The following FSTL3 variants were observed in gnomAD, a reference collection of about 807,000 sequenced individuals.
FSTL3 encodes follistatin like 3, also known as follistatin-related protein 3.
Under a neutral mutation model 28.1 loss-of-function variants are expected in FSTL3, and 21 were observed. The ratio of observed to expected loss-of-function variants is 0.75; its 90% confidence interval spans 0.53 to 1.08. FSTL3 has a LOEUF of 1.08. Among genes scored for constraint, FSTL3 ranks in the 50% least tolerant of loss-of-function variants. The probability of loss-of-function intolerance (pLI) is 0.00; values close to 1 mark genes in which losing one functional copy is unlikely to be tolerated. For synonymous variants in FSTL3, 199 were observed against 164.2 expected, an observed-to-expected ratio of 1.21 and a Z score of -1.62; for missense variants, 400 against 380.9, an observed-to-expected ratio of 1.05 and a Z score of -0.42.
intron 2 of FSTL3, chr19:680,001 A>ATCC (rs1555683190): frequency 2.0e-5 from 3 of 152,612 alleles, no homozygotes; most frequent in Non-Finnish European, 3.6e-5. Flanking sequence ...CCGGGCAGAG[A>ATCC]CCCCCCCCCG....
At position 681,484 on chromosome 19, in the gene FSTL3, C is replaced by T. The variant is rs750095878; in HGVS notation, c.657C>T (p.Ile219=). 4.4e-6 allele frequency: 7 copies of T among 1,603,242 alleles called. No individual in the cohort carries two copies. The highest frequency in any genetic ancestry group is 5.1e-6 in the Non-Finnish European group (6 of 1,179,714). The part of the protein sequence containing the change: ...ELCGNNNVTY[I]SSCHMRQATC... ...GCGGCAACAACAACGTCACCTACAT[C>T]TCCTCGTGCCACATGCGCCAGGCCA... Residue 219 remains isoleucine, a synonymous_variant, in exon 4 of 5, where the codon ATC becomes ATT. Coordinates refer to ENST00000166139, the MANE Select transcript of FSTL3 (RefSeq NM_005860.3).
At chr19:676,644 G>C (rs1020304459) in intron 1 of FSTL3, 118 bp downstream of exon 1, 1 of 306,404 alleles carries the variant, frequency 3.3e-6, no homozygotes, top group Non-Finnish European at 5.8e-6. Context: ...GGCGGTGTCC[G>C]GCGCAAGCTG....
At chr19:678,351 G>A (rs1393543840) in intron 2 of FSTL3, among the ~76,000 whole-genome samples, 1 of 152,228 alleles carries the variant, frequency 6.6e-6, no homozygotes, top group Non-Finnish European at 1.5e-5. Flanking sequence ...AGACTCCAGG[G>A]TCTGCGGTGG....
intron 3 of FSTL3, among the ~76,000 whole-genome samples, chr19:681,110 A>G (rs2144800968): frequency 6.9e-6 from 1 of 145,038 alleles, no homozygotes; most frequent in South Asian, 2.3e-4. Context: ...GCAGGAGCTC[A>G]CGAAAGAGGT....
At chr19:678,178 G>A (rs2031250991) in intron 2 of FSTL3, 3 of 578,974 alleles carry the variant, frequency 5.2e-6, no homozygotes, top group Admixed American at 6.5e-5. Context: ...TCAGGACTCA[G>A]GAAGAGACCA....
In FSTL3 at chr19:681,424, C is replaced by T. The variant is rs144365258; in HGVS notation, c.597C>T (p.Pro199=). Residue 199 remains proline, a synonymous_variant, in exon 4 of 5, where the codon CCC becomes CCT. Transcript: ENST00000166139. ...SAHCVVCRAA[P]CPVPSSPGQE... The stretch of plus-strand genomic sequence containing the variant: ...ACTGCGTGGTGTGTCGAGCGGCGCC[C>T]TGCCCTGTGCCCTCCAGCCCCGGCC... 9.4e-5 allele frequency: 150 copies of T among 1,597,674 alleles called. 1 individual carries two copies. The East Asian group carries it at 3.1e-3, about 33-fold the overall frequency.
chr19:681,206 G>A, intron 3 of FSTL3, 127 bp from the exon 4 acceptor site: 1 of 622,114 alleles, frequency 1.6e-6, no homozygotes, highest in Non-Finnish European at 2.8e-6. Flanking sequence ...GGGGGGCGGG[G>A]GGGTGCTTGT....
At chr19:678,710 CA>C (rs1185858246) in intron 2 of FSTL3, among the ~76,000 whole-genome samples, 3 of 152,126 alleles carry the variant, frequency 2.0e-5, no homozygotes, top group African/African-American at 7.2e-5. Flanking sequence ...AGGGTTTCAC[CA>C]CATTGGCCAG....
At chr19:678,136 T>C in intron 2 of FSTL3, 159 bp downstream of exon 2, 2 of 663,218 alleles carry the variant, frequency 3.0e-6, no homozygotes, top group Middle Eastern at 3.3e-4. Flanking sequence ...CTGGGGGGAC[T>C]TCCCGGTTCC....
Position 683,065 on chromosome 19 carries a change from C to G in FSTL3, c.*1357C>G, listed in dbSNP as rs1458804721. On this transcript the variant is annotated 3_prime_UTR_variant, in exon 5 of 5. Coordinates refer to ENST00000166139, the MANE Select transcript of FSTL3 (RefSeq NM_005860.3). ...CTGGCGACACCAGCCAGGTGCTGGT[C>G]TTGGGCCAGTTCTCCCACGACGGCT... 2 of 233,222 alleles carry G rather than the reference C, an allele frequency of 8.6e-6. No individual in the cohort carries two copies. The highest frequency in any genetic ancestry group is 1.2e-4 in the East Asian group (2 of 16,550). 14.4% of individuals were successfully genotyped at this position (233,222 alleles called of 1,614,324 possible). A position where few individuals can be genotyped will look rare whatever the true frequency, so the allele number is the denominator to read the frequency against.
intron 1 of FSTL3, among the ~76,000 whole-genome samples, chr19:677,131 G>A (rs2031229404): frequency 6.6e-6 from 1 of 152,284 alleles, no homozygotes; most frequent in South Asian, 2.1e-4. Flanking sequence ...CAAGCGCTCT[G>A]GGATGGGGGC....
At position 680,454 on chromosome 19, in the gene FSTL3, C is replaced by A; in HGVS notation, c.470C>A (p.Pro157Gln). 7.9e-7 allele frequency: 1 copy of A among 1,259,338 alleles called. No homozygotes were observed. The highest frequency in any genetic ancestry group is 1.0e-6 in the Non-Finnish European group (1 of 1,003,792). 78.0% of individuals were successfully genotyped at this position (1,259,338 alleles called of 1,614,324 possible). ...CGCGCCGCGCGCTGCCGCGGCCACC[C>A]GGACCTGAGCGTCATGTACCGGGGC... is the stretch of plus-strand genomic sequence containing the variant. ...ELRAARCRGH[P>Q]DLSVMYRGRC... Residue 157 changes from proline (P) to glutamine (Q), a missense_variant, in exon 3 of 5, where the codon CCG becomes CAG. Coordinates refer to ENST00000166139, the MANE Select transcript of FSTL3 (RefSeq NM_005860.3).
At position 677,835 on chromosome 19, in the gene FSTL3, C is replaced by A; in HGVS notation, c.147C>A (p.Ser49Arg). 6.2e-7 allele frequency: 1 copy of A among 1,612,454 alleles called. No homozygotes were observed. The highest frequency in any genetic ancestry group is 8.5e-7 in the Non-Finnish European group (1 of 1,179,936). The change falls in exon 2 of 5, where the codon AGC becomes AGA. Residue 49 changes from serine to arginine, a missense_variant. Ser to Arg is a moderately radical substitution (Grantham distance 110). Transcript: ENST00000166139. ...WLQQGQEATC[S>R]LVLQTDVTRA... is the part of the protein sequence containing the mutation. The stretch of plus-strand genomic sequence containing the variant: ...AGCAGGGCCAGGAGGCCACCTGCAG[C>A]CTGGTGCTCCAGACTGATGTCACCC...
rs1053549238 is a variant in FSTL3, at chr19:680,419, G to A, written c.435G>A (p.Glu145=). The part of the protein sequence containing the change: ...CGSDGATYRD[E]CELRAARCRG... The stretch of plus-strand genomic sequence containing the variant: ...CAGACGGCGCCACCTACCGCGACGA[G>A]TGCGAGCTGCGCGCCGCGCGCTGCC... Residue 145 remains glutamate, a synonymous_variant, in exon 3 of 5, where the codon GAG becomes GAA. Transcript: ENST00000166139. 2.4e-6 allele frequency: 3 copies of A among 1,269,782 alleles called. No homozygotes were observed. The highest frequency in any genetic ancestry group is 3.0e-6 in the Non-Finnish European group (3 of 1,010,104). 78.7% of individuals were successfully genotyped at this position (1,269,782 alleles called of 1,614,324 possible).
chr19:677,205 C>G (rs923720373), intron 1 of FSTL3, among the ~76,000 whole-genome samples: 3 of 152,186 alleles, frequency 2.0e-5, no homozygotes, highest in Non-Finnish European at 4.4e-5. Context: ...CCCCACCCCC[C>G]ATCCCTGCAG....
intron 2 of FSTL3, among the ~76,000 whole-genome samples, chr19:678,809 C>A (rs2031266771): frequency 6.6e-6 from 1 of 152,252 alleles, no homozygotes; most frequent in East Asian, 1.9e-4. Flanking sequence ...CCATGCCTGG[C>A]CTGTTGGGGC....
rs762434568 is a variant in FSTL3 at position 677,952 on chromosome 19, C to T, written c.264C>T (p.Gly88=). Reference sequence around the variant, plus strand: ...AGATCAACCTCCTCGGCTTCTTGGGCCTTGTCCACTGCCTTCCCTGCAAAG... The same window carrying T: ...AGATCAACCTCCTCGGCTTCTTGGGTCTTGTCCACTGCCTTCCCTGCAAAG... ...GNKINLLGFL[G]LVHCLPCKDS... is the part of the protein sequence containing the mutation. Residue 88 remains glycine, a synonymous_variant, in exon 2 of 5, where the codon GGC becomes GGT. Transcript: ENST00000166139. The T allele has an allele frequency of 2.5e-6, 4 of 1,613,338 alleles. No individual in the cohort carries two copies. Among genetic ancestry groups the T allele is most frequent in the Non-Finnish European group, 3.4e-6 (4 of 1,179,938 alleles).
In FSTL3 at chr19:683,190, G is replaced by A. The variant is rs1017979025; in HGVS notation, c.*1482G>A. ...GCTATGGGGAGAGGACAACACGGAG[G>A]ATATCCAGCTTCCCCGGTCTGGGGT... is the stretch of plus-strand genomic sequence containing the variant. On this transcript the variant is annotated 3_prime_UTR_variant, in exon 5 of 5. Transcript: ENST00000166139. The A allele has an allele frequency of 1.3e-5, 3 of 232,910 alleles. No individual in the cohort carries two copies. Among genetic ancestry groups the A allele is most frequent in the African/African-American group, 2.2e-5 (1 of 45,270 alleles). The allele number at this position is 232,910 out of a possible 1,614,324, so 14.4% of individuals were successfully genotyped here. A position where few individuals can be genotyped will look rare whatever the true frequency, so the allele number is the denominator to read the frequency against.
chr19:676,622 G>T, intron 1 of FSTL3, 96 bp downstream of exon 1: 1 of 365,644 alleles, frequency 2.7e-6, no homozygotes, highest in Non-Finnish European at 4.4e-6. Context: ...CGGCGGCGGC[G>T]GCGGGGGCGA....
Sources: allele counts gnomAD v4.1 joint callset (sites outside exome capture counted in the v4.1 genomes callset), GRCh38; gene constraint gnomAD v4.1.1; transcripts MANE v1.5; gene names NCBI Gene and HGNC (gene_info 2026-07-23, HGNC 2026-07-21).